The following ADCY1 variants were observed in gnomAD, a reference collection of about 807,000 sequenced individuals.
ADCY1 encodes adenylate cyclase type 1.
ADCY1 carries 28 observed loss-of-function variants against 105.4 expected under a neutral mutation model. The observed-to-expected ratio is 0.27, with a 90% confidence interval of 0.20 to 0.36. The LOEUF (loss-of-function observed/expected upper bound fraction) is 0.36, where lower values mean the gene tolerates loss of function less well. Ranked by LOEUF, ADCY1 falls within the 10% of genes least tolerant of loss-of-function variation. The pLI is 1.00. For synonymous variants in ADCY1, 655 were observed against 623.8 expected, an observed-to-expected ratio of 1.05 and a Z score of -0.75; for missense variants, 977 against 1,434.2, an observed-to-expected ratio of 0.68 and a Z score of 5.15.
Position 45,721,709 on chromosome 7 carries a change from T to G in ADCY1, c.*7714T>G, listed in dbSNP as rs1031161922. 3.8e-5 allele frequency: 15 copies of G among 398,514 alleles called. No individual in the cohort carries two copies. Among genetic ancestry groups the G allele is most frequent in the African/African-American group, 6.2e-5 (3 of 48,592 alleles). 24.7% of individuals were successfully genotyped at this position (398,514 alleles called of 1,614,324 possible). The stretch of plus-strand genomic sequence containing the variant: ...GTGCCTTCCCAGGGGTTAGAGGATG[T>G]TCAAAGGGCCGATTTCAGCAGGAGT... On this transcript the variant is annotated 3_prime_UTR_variant, in exon 20 of 20. Coordinates refer to ENST00000297323, the MANE Select transcript of ADCY1 (RefSeq NM_021116.4).
intron 5 of ADCY1, among the ~76,000 whole-genome samples, chr7:45,651,271 C>A (rs144810622): frequency 6.6e-6 from 1 of 152,132 alleles, no homozygotes; most frequent in Non-Finnish European, 1.5e-5. Context: ...CAGACTGTCA[C>A]AGACCCTGGG....
At chr7:45,576,323 G>T (rs1282252873) in intron 1 of ADCY1, among the ~76,000 whole-genome samples, 3 of 151,746 alleles carry the variant, frequency 2.0e-5, no homozygotes, top group Non-Finnish European at 4.4e-5. Context: ...TCCTTAGACT[G>T]TGATGCCAGG....
At chr7:45,671,694 A>G (rs1784371062) in intron 8 of ADCY1, among the ~76,000 whole-genome samples, 1 of 152,084 alleles carries the variant, frequency 6.6e-6, no homozygotes. Context: ...ACATCTTTTC[A>G]TGTGCTCATT....
chr7:45,583,085 A>G (rs1231837436), intron 1 of ADCY1, among the ~76,000 whole-genome samples: 1 of 152,118 alleles, frequency 6.6e-6, no homozygotes, highest in Non-Finnish European at 1.5e-5. Context: ...GAGCCTGAAC[A>G]TAGCTCTCTG....
In ADCY1 at chr7:45,714,177, A is replaced by G. The variant is rs1785319339; in HGVS notation, c.*182A>G. The G allele has an allele frequency of 5.0e-6, 3 of 594,380 alleles. No individual in the cohort carries two copies. Among genetic ancestry groups the G allele is most frequent in the Non-Finnish European group, 9.0e-6 (3 of 333,992 alleles). 36.8% of individuals were successfully genotyped at this position (594,380 alleles called of 1,614,324 possible). A position where few individuals can be genotyped will look rare whatever the true frequency, so the allele number is the denominator to read the frequency against. On this transcript the variant is annotated 3_prime_UTR_variant, in exon 20 of 20. Transcript: ENST00000297323. ...CGAGGGCCAACCACCGAGCAGGCACAGCACAGCAGTGACTCGGTGAGGGGA... is the reference window on the plus strand; with the variant it reads ...CGAGGGCCAACCACCGAGCAGGCACGGCACAGCAGTGACTCGGTGAGGGGA...
At chr7:45,696,228 G>T (rs549769957) in intron 14 of ADCY1, among the ~76,000 whole-genome samples, 1 of 150,154 alleles carries the variant, frequency 6.7e-6, no homozygotes, top group South Asian at 2.1e-4. Context: ...CATGAGGTCA[G>T]GAGATCAAGA....
At chr7:45,689,010 G>T (rs1363677130) in intron 14 of ADCY1, among the ~76,000 whole-genome samples, 1 of 149,974 alleles carries the variant, frequency 6.7e-6, no homozygotes, top group Non-Finnish European at 1.5e-5. Flanking sequence ...CTGGGCAGAA[G>T]ACATTCCTGT....
chr7:45,682,075 A>G (rs893911009), intron 11 of ADCY1, among the ~76,000 whole-genome samples: 2 of 152,108 alleles, frequency 1.3e-5, no homozygotes, highest in Non-Finnish European at 2.9e-5. Flanking sequence ...AATGGCGGTG[A>G]TGATGGCCCC....
intron 4 of ADCY1, among the ~76,000 whole-genome samples, chr7:45,636,212 A>G (rs1794395860): frequency 1.3e-5 from 2 of 152,230 alleles, no homozygotes; most frequent in Non-Finnish European, 2.9e-5. Flanking sequence ...AAGACTACCA[A>G]TGGATACCAA....
chr7:45,592,107 C>T (rs1792935202), intron 1 of ADCY1, among the ~76,000 whole-genome samples: 1 of 150,206 alleles, frequency 6.7e-6, no homozygotes, highest in Admixed American at 6.6e-5. Context: ...GGAGTTTGTG[C>T]AGGCTTTGTG....
intron 8 of ADCY1, among the ~76,000 whole-genome samples, chr7:45,670,425 G>T (rs1481262467): frequency 1.3e-5 from 2 of 152,232 alleles, no homozygotes; most frequent in Non-Finnish European, 2.9e-5. Context: ...GGGTTTGGAG[G>T]TGTGGCTGAC....
At chr7:45,611,098 G>GGGAGGTGATGGTGGAGGTGT (rs1793575271) in intron 3 of ADCY1, among the ~76,000 whole-genome samples, 2 of 149,542 alleles carry the variant, frequency 1.3e-5, no homozygotes, top group Non-Finnish European at 3.0e-5. Context: ...GGTGGAGGTG[G>GGGAGGTGATGGTGGAGGTGT]GGAGGTGATG....
intron 14 of ADCY1, among the ~76,000 whole-genome samples, chr7:45,687,479 A>G (rs1046515391): frequency 3.5e-4 from 54 of 152,334 alleles, no homozygotes; most frequent in African/African-American, 1.2e-3. Context: ...GAGGCAATCA[A>G]ACATTTAGGA....
rs577256017 is a variant in ADCY1, at chr7:45,588,076, ATTTTTTAT to A, written c.640-4680_640-4673del. On this transcript the variant is annotated intron_variant, in intron 1 of 19. Transcript: ENST00000297323. ...CCTATTCATCTGTTATCCTTCATTT[ATTTTTTAT>A]TTAATCATTGATTTATATTAGTACT... Among the ~76,000 whole-genome samples the A allele has an allele frequency of 1.8e-3, 268 of 152,194 alleles. 1 individual carries two copies. The highest frequency in any genetic ancestry group is 2.8e-3 in the Non-Finnish European group (189 of 68,008).
rs763219344 is a variant in ADCY1 at position 45,686,101 on chromosome 7, C to T, written c.2213C>T (p.Thr738Ile). 7 of 1,614,136 alleles carry T rather than the reference C, an allele frequency of 4.3e-6. No homozygotes were observed. The highest frequency in any genetic ancestry group is 4.5e-5 in the East Asian group (2 of 44,864). Residue 738 changes from threonine (T) to isoleucine (I), a missense_variant, in exon 13 of 20, where the codon ACC becomes ATC. Around this residue, in one of 7 missense-constraint regions of ADCY1, gnomAD observed 275 missense variants for 362.1 expected, o/e 0.76. Coordinates refer to ENST00000297323, the MANE Select transcript of ADCY1 (RefSeq NM_021116.4). The surrounding 1 kb of genome is among the most constrained non-coding windows in gnomAD (Gnocchi z 4.3). Reference protein sequence around the residue: ...HHALLCCLVGTLPLAIFFRVS... With the variant: ...HHALLCCLVGILPLAIFFRVS... ...GCCCTGCTCTGCTGCCTGGTGGGCA[C>T]CCTCCCGCTAGCCATATTTTTCCGG... is the stretch of plus-strand genomic sequence containing the variant.
At chr7:45,712,754 C>G (rs111280603) in intron 19 of ADCY1, among the ~76,000 whole-genome samples, 2 of 152,162 alleles carry the variant, frequency 1.3e-5, no homozygotes, top group African/African-American at 4.8e-5. Flanking sequence ...GTTCCAAGAT[C>G]ACACCTCCAA....
chr7:45,668,153 T>G (rs2116152577), intron 8 of ADCY1, among the ~76,000 whole-genome samples: 1 of 152,344 alleles, frequency 6.6e-6, no homozygotes, highest in South Asian at 2.1e-4. Context: ...TGGCCAGAAC[T>G]TCCAACACTA....
At chr7:45,586,995 C>G (rs12530532) in intron 1 of ADCY1, among the ~76,000 whole-genome samples, 240 of 152,342 alleles carry the variant, frequency 1.6e-3, no homozygotes, top group Non-Finnish European at 2.7e-3. Context: ...AGTGGTTCTC[C>G]TGTCCCCATG....
intron 7 of ADCY1, among the ~76,000 whole-genome samples, 177 bp from the exon 8 acceptor site, chr7:45,661,881 GT>G (rs757566835): frequency 3.0e-4 from 45 of 152,278 alleles, no homozygotes; most frequent in South Asian, 1.5e-3. Context: ...TCCCAATATG[GT>G]TTTGTTTGCT....
Sources: allele counts gnomAD v4.1 joint callset (sites outside exome capture counted in the v4.1 genomes callset), GRCh38; gene constraint gnomAD v4.1.1; regional missense constraint gnomAD v4.1.1; non-coding constraint Gnocchi (gnomAD v3.1); transcripts MANE v1.5; gene names NCBI Gene and HGNC (gene_info 2026-07-23, HGNC 2026-07-21).